The following PDE8B variants were observed in gnomAD, a reference collection of about 807,000 sequenced individuals.
The protein encoded by PDE8B is phosphodiesterase 8B.
Under a neutral mutation model 101.3 loss-of-function variants are expected in PDE8B, and 26 were observed. That is an observed-to-expected ratio of 0.26 (90% CI 0.19 to 0.36). PDE8B has a LOEUF of 0.36. Ranked by LOEUF, PDE8B falls within the 10% of genes least tolerant of loss-of-function variation. The probability of loss-of-function intolerance (pLI) is 1.00; values close to 1 mark genes in which losing one functional copy is unlikely to be tolerated. For missense variants in PDE8B, 810 were observed against 1,163.1 expected (o/e 0.70, Z 4.42); for synonymous variants, 424 against 429.3 (o/e 0.99, Z 0.15).
At chr5:77,165,583 A>T in the PDE8B span, 1 of 152,416 alleles carries the variant, frequency 6.6e-6, no homozygotes, top group Non-Finnish European at 1.5e-5. Flanking sequence ...CAAAAACAAA[A>T]ACAAAAAACA....
At chr5:77,219,191 T>A (rs557770829) in intron 1 of PDE8B, among the ~76,000 whole-genome samples, 2 of 152,332 alleles carry the variant, frequency 1.3e-5, no homozygotes, top group Non-Finnish European at 1.5e-5. Context: ...AGCCTCAGTC[T>A]CTAATTGCTC....
chr5:77,375,940 T>G (rs561340929), intron 10 of PDE8B, among the ~76,000 whole-genome samples: 2 of 132,126 alleles, frequency 1.5e-5, no homozygotes, highest in South Asian at 4.9e-4. Context: ...TTGCCCAGGC[T>G]GGAGTGCAGT....
At chr5:77,167,911 A>C in the PDE8B span, among the ~76,000 whole-genome samples, 1,410 of 151,984 alleles carry the variant, frequency 9.3e-3, 27 homozygotes, top group African/African-American at 0.031. Flanking sequence ...ACCCATTTAC[A>C]CTAGCTGGCT....
At position 77,340,199 on chromosome 5, in the gene PDE8B, C is replaced by A. The variant is rs115029616; in HGVS notation, c.797+2884C>A. Among the ~76,000 whole-genome samples, 782 of 152,312 alleles carry A rather than the reference C, an allele frequency of 5.1e-3. 6 individuals are homozygous for A. Among genetic ancestry groups the A allele is most frequent in the African/African-American group, 0.018 (762 of 41,570 alleles). ...GTCAGTCTAGAAGTTACATCCAAGT[C>A]ATTATGTTTATTTCACTCCAAATCT... On this transcript the variant is annotated intron_variant, in intron 6 of 21. Transcript: ENST00000264917.
chr5:77,236,324 T>A (rs1294969755), intron 1 of PDE8B, among the ~76,000 whole-genome samples: 1 of 152,122 alleles, frequency 6.6e-6, no homozygotes, highest in East Asian at 1.9e-4. Flanking sequence ...CACTTAAAGC[T>A]ATGAAACTGG....
intron 1 of PDE8B, among the ~76,000 whole-genome samples, chr5:77,269,058 A>G (rs189370779): frequency 1.3e-5 from 2 of 152,128 alleles, no homozygotes; most frequent in East Asian, 1.9e-4. Context: ...ACTGTCCTTC[A>G]TAGTGGTTGT....
chr5:77,278,693 T>A (rs1764336023), intron 1 of PDE8B, among the ~76,000 whole-genome samples: 1 of 152,060 alleles, frequency 6.6e-6, no homozygotes, highest in African/African-American at 2.4e-5. Context: ...ATGGTCTCGA[T>A]CTCCTGACCT....
the PDE8B span, among the ~76,000 whole-genome samples, chr5:77,162,323 A>T: frequency 6.6e-6 from 1 of 152,156 alleles, no homozygotes; most frequent in African/African-American, 2.4e-5. Flanking sequence ...ATTGAATTTA[A>T]TATTGATGAG....
intron 10 of PDE8B, among the ~76,000 whole-genome samples, chr5:77,377,378 A>G (rs1786341450): frequency 6.6e-6 from 1 of 152,216 alleles, no homozygotes; most frequent in South Asian, 2.1e-4. Flanking sequence ...CTTGTTAAAC[A>G]TGCAGATTCG....
chr5:77,414,584 CCGA>C (rs1255063382), intron 17 of PDE8B, among the ~76,000 whole-genome samples: 1 of 139,054 alleles, frequency 7.2e-6, no homozygotes, highest in East Asian at 2.0e-4. Context: ...CCATGCCCAG[CCGA>C]TTTTTTTTTT....
At chr5:77,312,633 T>G (rs1461581859) in intron 2 of PDE8B, among the ~76,000 whole-genome samples, 1 of 152,236 alleles carries the variant, frequency 6.6e-6, no homozygotes. Flanking sequence ...TAATCAGCTG[T>G]GTGACCTTGC....
intron 1 of PDE8B, among the ~76,000 whole-genome samples, chr5:77,292,485 T>A (rs1309464668): frequency 2.6e-5 from 4 of 152,162 alleles, no homozygotes; most frequent in Non-Finnish European, 5.9e-5. Context: ...AGTGTTCCTC[T>A]CCCTCTAGCA....
chr5:77,255,365 C>T (rs547241195), intron 1 of PDE8B, among the ~76,000 whole-genome samples: 8 of 152,330 alleles, frequency 5.3e-5, no homozygotes, highest in East Asian at 1.9e-4. Context: ...GCCACCAACG[C>T]GGCTGCACAG....
the PDE8B span, chr5:77,139,975 A>G: frequency 2.6e-5 from 4 of 151,956 alleles, no homozygotes; most frequent in South Asian, 2.1e-4. Context: ...GTTTCCTCCT[A>G]TGGTTTGTAA....
chr5:77,403,718 C>CT, intron 11 of PDE8B, among the ~76,000 whole-genome samples: 1 of 151,942 alleles, frequency 6.6e-6, no homozygotes, highest in East Asian at 1.9e-4. Context: ...AGATAAGGTG[C>CT]TATAGCTATG....
At chr5:77,426,090 G>C in intron 21 of PDE8B, 194 bp downstream of exon 21, 2 of 641,226 alleles carry the variant, frequency 3.1e-6, no homozygotes, top group Non-Finnish European at 5.6e-6. Context: ...GTGTGCAGAA[G>C]ACTTGATGGA....
chr5:77,406,121 T>A (rs1298102611), intron 12 of PDE8B, among the ~76,000 whole-genome samples: 1 of 152,034 alleles, frequency 6.6e-6, no homozygotes, highest in East Asian at 1.9e-4. Context: ...ACCCCCTCTC[T>A]ACTAAAAATA....
At chr5:77,382,296 T>G (rs1787647480) in intron 10 of PDE8B, among the ~76,000 whole-genome samples, 1 of 152,138 alleles carries the variant, frequency 6.6e-6, no homozygotes, top group African/African-American at 2.4e-5. Context: ...GTTGCATATA[T>G]CAGTATGTTT....
intron 1 of PDE8B, among the ~76,000 whole-genome samples, chr5:77,292,659 G>T (rs1045615189): frequency 9.2e-5 from 14 of 152,136 alleles, no homozygotes; most frequent in African/African-American, 3.4e-4. Flanking sequence ...CAGCCCATTT[G>T]TGTATTTGTT....
Sources: allele counts gnomAD v4.1 joint callset (sites outside exome capture counted in the v4.1 genomes callset), GRCh38; gene constraint gnomAD v4.1.1; transcripts MANE v1.5; gene names NCBI Gene and HGNC (gene_info 2026-07-23, HGNC 2026-07-21).